Variants in ANKRD35 observed in about 807,000 individuals in gnomAD.
The protein encoded by ANKRD35 is ankyrin repeat domain-containing protein 35.
Under a neutral mutation model 109.9 loss-of-function variants are expected in ANKRD35, and 102 were observed. The observed-to-expected ratio is 0.93, with a 90% CI of 0.79 to 1.09. The LOEUF is 1.09. Among genes scored for constraint, ANKRD35 ranks in the 50% least tolerant of loss-of-function variants. ANKRD35 has a pLI of 0.00. For missense variants in ANKRD35, 1,240 were observed against 1,230.1 expected, an observed-to-expected ratio of 1.01 and a Z score of -0.12; for synonymous variants, 515 against 512.4, an observed-to-expected ratio of 1.01 and a Z score of -0.07.
At chr1:145,880,011 C>T (rs587639100) in intron 1 of ANKRD35, among the ~76,000 whole-genome samples, 13 of 152,240 alleles carry the variant, frequency 8.5e-5, no homozygotes, top group Admixed American at 4.6e-4. Flanking sequence ...GGCCCTTTGG[C>T]GACCGTCTCT....
At chr1:145,881,371 T>C (rs1654278939) in intron 1 of ANKRD35, among the ~76,000 whole-genome samples, 1 of 152,174 alleles carries the variant, frequency 6.6e-6, no homozygotes. Context: ...CTACAAGCTA[T>C]AGAAACAGGT....
chr1:145,877,235 T>A (rs1209347891), intron 4 of ANKRD35, among the ~76,000 whole-genome samples: 1 of 146,450 alleles, frequency 6.8e-6, no homozygotes, highest in Non-Finnish European at 1.5e-5. Flanking sequence ...GATAACTGAT[T>A]TTTTTTTTTT....
In ANKRD35 at chr1:145,872,054, A is replaced by G. The variant is rs372173013; in HGVS notation, c.2715T>C (p.Phe905=). The G allele has an allele frequency of 1.4e-5, 23 of 1,613,540 alleles. No individual in the cohort carries two copies. Among genetic ancestry groups the G allele is most frequent in the South Asian group, 8.8e-5 (8 of 91,086 alleles). Residue 905 remains phenylalanine (F), a synonymous_variant, in exon 10 of 14, where the codon TTT becomes TTC. Coordinates refer to ENST00000355594, the MANE Select transcript of ANKRD35 (RefSeq NM_144698.5). ...ASEMRGRSEQ[F]EKTAELLKEK... ...CTTTCAGCAGCTCTGCCGTTTTCTCAAACTGCTCGGAGCGCCCCCGCATCT... is the reference window on the plus strand; with the variant it reads ...CTTTCAGCAGCTCTGCCGTTTTCTCGAACTGCTCGGAGCGCCCCCGCATCT...
At chr1:145,885,677 G>T in intron 1 of ANKRD35, 43 bp downstream of exon 1, 3 of 1,604,132 alleles carry the variant, frequency 1.9e-6, no homozygotes, top group South Asian at 1.1e-5. Context: ...TCACCACAGA[G>T]CTGGGATCCC....
At position 145,868,261 on chromosome 1, in the gene ANKRD35, T is replaced by C. The variant is rs1553738043; in HGVS notation, c.2877+50A>G. ...GAATGTCTCCCACATATACATCACT[T>C]CCACTGCTGACCTTCTTCTCCAGCA... On this transcript the variant is annotated intron_variant, in intron 11 of 13. Coordinates refer to ENST00000355594, the MANE Select transcript of ANKRD35 (RefSeq NM_144698.5). The C allele has an allele frequency of 8.2e-6, 13 of 1,577,188 alleles. No homozygotes were observed. The South Asian group carries it at 1.4e-4, about 17-fold the overall frequency.
rs781791582 is a variant in ANKRD35 at position 145,873,346 on chromosome 1, G to A, written c.1423C>T (p.Pro475Ser). Residue 475 changes from proline (P) to serine (S), a missense_variant, in exon 10 of 14, where the codon CCA (proline) becomes TCA (serine). By Grantham distance (74) the Pro-to-Ser change is moderately conservative (BLOSUM62 -1). Transcript: ENST00000355594. ...KESSQVLGVE[P>S]GGTVAEPVGP... ...ACTGGTTCAGCCACTGTGCCTCCTG[G>A]TTCAACTCCTAGAACCTGGGAACTC... The A allele has an allele frequency of 1.4e-5, 23 of 1,614,060 alleles. No homozygotes were observed. The Admixed American group carries it at 3.8e-4, about 27-fold the overall frequency.
At chr1:145,877,104 C>T (rs1473002375) in intron 4 of ANKRD35, among the ~76,000 whole-genome samples, 1 of 152,094 alleles carries the variant, frequency 6.6e-6, no homozygotes, top group African/African-American at 2.4e-5. Context: ...TGGTAATAAA[C>T]GTGTTAGGGA....
chr1:145,874,025 A>G (rs1653965325), intron 9 of ANKRD35, 40 bp from the exon 10 acceptor site: 2 of 1,612,132 alleles, frequency 1.2e-6, no homozygotes, highest in Non-Finnish European at 1.7e-6. Context: ...GCCACTAGGC[A>G]ACGAACTGAG....
At position 145,873,960 on chromosome 1, in the gene ANKRD35, C is replaced by A. The variant is rs1553739573; in HGVS notation, c.809G>T (p.Gly270Val). 1 of 1,613,968 alleles carries A rather than the reference C, an allele frequency of 6.2e-7. No homozygotes were observed. Among genetic ancestry groups the A allele is most frequent in the African/African-American group, 1.3e-5 (1 of 74,916 alleles). The change falls in exon 10 of 14, where the codon GGT becomes GTT. Residue 270 changes from glycine to valine, a missense_variant. Coordinates refer to ENST00000355594, the MANE Select transcript of ANKRD35 (RefSeq NM_144698.5). ...SQASPSEPQA[G>V]SPPKSSWRAE... ...TCTCCATGAGCTCTTAGGAGGAGAA[C>A]CTGCCTGGGGCTCAGATGGAGAGGC...
In ANKRD35 at chr1:145,885,760, G is replaced by A. The variant is rs376994220; in HGVS notation, c.-2C>T. The A allele has an allele frequency of 3.1e-6, 5 of 1,613,764 alleles. No individual in the cohort carries two copies. The highest frequency in any genetic ancestry group is 3.4e-6 in the Non-Finnish European group (4 of 1,179,852). On this transcript the variant is annotated 5_prime_UTR_variant, in exon 1 of 14. Transcript: ENST00000355594. The stretch of plus-strand genomic sequence containing the variant: ...GGAGCAGGAGAAGATACGCTTCATG[G>A]CCGGGGTCGGGGCCACGGGGGATGG...
At chr1:145,876,035 T>C in intron 7 of ANKRD35, 105 bp downstream of exon 7, 1 of 1,021,466 alleles carries the variant, frequency 9.8e-7, no homozygotes, top group Non-Finnish European at 1.4e-6. Context: ...CCAACCTGAC[T>C]TCTTCCCCAA....
intron 10 of ANKRD35, 66 bp from the exon 11 acceptor site, chr1:145,868,466 C>G: frequency 1.4e-6 from 2 of 1,432,478 alleles, no homozygotes; most frequent in East Asian, 4.5e-5. Flanking sequence ...GGGTCAAGGT[C>G]AGCTTCCTTT....
chr1:145,872,836 G>T lies in ANKRD35; in HGVS notation c.1933C>A (p.Leu645Ile), dbSNP rs1162707164. Residue 645 changes from leucine (L) to isoleucine (I), a missense_variant, in exon 10 of 14, where the codon CTA becomes ATA. Physicochemically the swap from Leu to Ile is conservative, Grantham distance 5. Coordinates refer to ENST00000355594, the MANE Select transcript of ANKRD35 (RefSeq NM_144698.5). ...TGCAGCCGCTGGCTCAGGGACTGTA[G>T]CTCCCTCTGCAACCTCTGCCGCTCC... ...GRERQRLQRELQSLSQRLQRE... is the reference protein window; with the variant it reads ...GRERQRLQREIQSLSQRLQRE... 2 of 1,614,088 alleles carry T rather than the reference G, an allele frequency of 1.2e-6. No individual in the cohort carries two copies. Among genetic ancestry groups the T allele is most frequent in the South Asian group, 1.1e-5 (1 of 91,090 alleles).
intron 1 of ANKRD35, among the ~76,000 whole-genome samples, chr1:145,881,553 T>C (rs2101718114): frequency 6.6e-6 from 1 of 152,342 alleles, no homozygotes; most frequent in African/African-American, 2.4e-5. Flanking sequence ...CATTTTCTAA[T>C]GGCCTTTGGA....
chr1:145,883,377 G>A (rs782772167), intron 1 of ANKRD35, among the ~76,000 whole-genome samples: 6 of 152,150 alleles, frequency 3.9e-5, no homozygotes, highest in East Asian at 1.9e-4. Flanking sequence ...GAGCCACTGC[G>A]CCCAGATGAT....
At position 145,877,988 on chromosome 1, in the gene ANKRD35, A is replaced by G. The variant is rs587675329; in HGVS notation, c.304T>C (p.Cys102Arg). ...HLATISCQPQ[C>R]VKVLLQHGAN... is the part of the protein sequence containing the mutation. Reference sequence around the variant, plus strand: ...CTTACCTGAAGCAGAACCTTAACACACTGTGGCTGGCAGGAGATGGTGGCC... The same window carrying G: ...CTTACCTGAAGCAGAACCTTAACACGCTGTGGCTGGCAGGAGATGGTGGCC... The change falls in exon 4 of 14, where the codon TGT becomes CGT. Residue 102 changes from cysteine (C) to arginine (R), a missense_variant. Coordinates refer to ENST00000355594, the MANE Select transcript of ANKRD35 (RefSeq NM_144698.5). 20 of 1,614,096 alleles carry G rather than the reference A, an allele frequency of 1.2e-5. No individual in the cohort carries two copies. In the East Asian group the frequency reaches 4.2e-4, roughly 34 times the overall value.
Position 145,868,301 on chromosome 1 carries a change from C to T in ANKRD35, c.2877+10G>A, listed in dbSNP as rs781869750. 12 of 1,613,910 alleles carry T rather than the reference C, an allele frequency of 7.4e-6. No homozygotes were observed. The highest frequency in any genetic ancestry group is 1.3e-5 in the African/African-American group (1 of 74,912). ...CTTCTCCAGCACCATCCCTGACAGC[C>T]AAAACATACCTGCAGCTGCAGGGCA... is the stretch of plus-strand genomic sequence containing the variant. On this transcript the variant is annotated intron_variant, in intron 11 of 13. Transcript: ENST00000355594.
At position 145,874,925 on chromosome 1, in the gene ANKRD35, A is replaced by G; in HGVS notation, c.642T>C (p.Ala214=). 1.9e-6 allele frequency: 3 copies of G among 1,613,632 alleles called. No individual in the cohort carries two copies. Among genetic ancestry groups the G allele is most frequent in the Non-Finnish European group, 2.5e-6 (3 of 1,179,802 alleles). ...GAGCATCATGCCCTGTGCTGTCCAC[A>G]GCCCCCGCGTCAGCTCCGTGGCTCA... is the stretch of plus-strand genomic sequence containing the variant. ...LLLSHGADAG[A]VDSTGHDALH... Residue 214 remains alanine (A), a synonymous_variant, in exon 8 of 14, where the codon GCT becomes GCC. Transcript: ENST00000355594.
chr1:145,874,232 G>T lies in ANKRD35; in HGVS notation c.746-40C>A, dbSNP rs201416442. The T allele has an allele frequency of 5.5e-4, 880 of 1,604,244 alleles. 6 individuals carry two copies. The South Asian group carries it at 9.0e-3, about 16-fold the overall frequency. The stretch of plus-strand genomic sequence containing the variant: ...ATGAGGAAAATGAGAGAGAAGACAG[G>T]TTCCATGTACTTCCAGCCCACATTC... On this transcript the variant is annotated intron_variant, in intron 8 of 13. Transcript: ENST00000355594.
Sources: gnomAD v4.1 joint callset for allele counts (sites outside exome capture counted in the v4.1 genomes callset) on GRCh38, gnomAD v4.1.1 for gene constraint, MANE v1.5 for transcripts, NCBI Gene and HGNC (gene_info 2026-07-23, HGNC 2026-07-21) for gene names.